The following AGBL4 variants were observed in gnomAD, a reference collection of about 807,000 sequenced individuals.
AGBL4 encodes AGBL carboxypeptidase 4.
AGBL4 carries 58 observed loss-of-function variants against 66.4 expected under a neutral mutation model. The observed-to-expected ratio is 0.87, with a 90% CI of 0.71 to 1.09. AGBL4 has a LOEUF of 1.09. AGBL4 is among the 50% of genes least tolerant of loss of function. The pLI, the probability that AGBL4 is intolerant of heterozygous loss-of-function variation, is 0.00. For synonymous variants in AGBL4, 234 were observed against 222.9 expected, an observed-to-expected ratio of 1.05 and a Z score of -0.44; for missense variants, 579 against 631.0, an observed-to-expected ratio of 0.92 and a Z score of 0.88.
intron 6 of AGBL4, among the ~76,000 whole-genome samples, chr1:48,774,765 C>T (rs971645199): frequency 6.6e-6 from 1 of 152,168 alleles, no homozygotes; most frequent in Non-Finnish European, 1.5e-5. Context: ...CCTAAGTGGC[C>T]TCTCTGCAGT....
chr1:48,834,377 T>C (rs1266384784), intron 6 of AGBL4, among the ~76,000 whole-genome samples: 4 of 152,086 alleles, frequency 2.6e-5, no homozygotes, highest in Admixed American at 2.0e-4. Flanking sequence ...GATGTGAATA[T>C]TGGGGGGCCA....
chr1:48,563,117 A>C (rs114827352), intron 11 of AGBL4, among the ~76,000 whole-genome samples: 10,013 of 152,296 alleles, frequency 0.066, 476 homozygotes, highest in Non-Finnish European at 0.1. Flanking sequence ...GGCTGTGCCC[A>C]CTGTGGAAAG....
At chr1:49,875,101 T>C (rs2148122080) in intron 1 of AGBL4, among the ~76,000 whole-genome samples, 1 of 150,126 alleles carries the variant, frequency 6.7e-6, no homozygotes, top group Middle Eastern at 3.5e-3. Context: ...CTTGTGATAG[T>C]TTACTAAGAA....
At chr1:49,586,609 T>C (rs1427594361) in intron 3 of AGBL4, among the ~76,000 whole-genome samples, 3 of 152,188 alleles carry the variant, frequency 2.0e-5, no homozygotes, top group South Asian at 2.1e-4. Flanking sequence ...AGCATGAACA[T>C]AGTATCTAGC....
intron 1 of AGBL4, among the ~76,000 whole-genome samples, chr1:49,889,879 T>C (rs185395380): frequency 1.3e-5 from 2 of 152,322 alleles, no homozygotes; most frequent in Admixed American, 6.5e-5. Flanking sequence ...AGATAAGTTA[T>C]AAAACCTTGA....
chr1:49,741,112 G>C (rs141831433), intron 2 of AGBL4, among the ~76,000 whole-genome samples: 232 of 152,302 alleles, frequency 1.5e-3, no homozygotes, highest in African/African-American at 5.0e-3. Flanking sequence ...GAACCCAGGA[G>C]ATGGTTTTTC....
chr1:49,785,824 T>C (rs1358000125), intron 2 of AGBL4, among the ~76,000 whole-genome samples: 1 of 150,272 alleles, frequency 6.7e-6, no homozygotes. Flanking sequence ...TGTCATTACA[T>C]ACCTCTCAGA....
chr1:48,755,308 T>C lies in AGBL4; in HGVS notation c.635-92067A>G, dbSNP rs533635075. Among the ~76,000 whole-genome samples the C allele has an allele frequency of 7.9e-5, 12 of 152,178 alleles. No individual in the cohort carries two copies. In the South Asian group the frequency reaches 2.5e-3, roughly 32 times the overall value. On this transcript the variant is annotated intron_variant, in intron 6 of 13. Coordinates refer to ENST00000371839, the MANE Select transcript of AGBL4 (RefSeq NM_032785.4). ...CATTCGTAGGACCCCACTACCTCGG[T>C]GAGTAAATAATGATTCTTCCAGACA...
At chr1:49,610,093 T>A (rs774105715) in intron 3 of AGBL4, among the ~76,000 whole-genome samples, 18 of 152,042 alleles carry the variant, frequency 1.2e-4, no homozygotes, top group Admixed American at 3.9e-4. Context: ...AAAAATAAGA[T>A]AAAGTTAGTA....
intron 3 of AGBL4, among the ~76,000 whole-genome samples, chr1:49,566,669 A>G (rs1644212151): frequency 1.3e-5 from 2 of 152,132 alleles, no homozygotes; most frequent in African/African-American, 2.4e-5. Flanking sequence ...GTTTTGTCTC[A>G]GAGGGGTACC....
intron 6 of AGBL4, among the ~76,000 whole-genome samples, chr1:48,798,299 C>A (rs1645736192): frequency 6.6e-6 from 1 of 151,976 alleles, no homozygotes; most frequent in Non-Finnish European, 1.5e-5. Context: ...CTATTCATGT[C>A]CTTAGCCTAC....
chr1:49,245,610 C>T (rs1003590761), intron 4 of AGBL4, among the ~76,000 whole-genome samples, 160 bp downstream of exon 4: 1 of 151,712 alleles, frequency 6.6e-6, no homozygotes, highest in African/African-American at 2.4e-5. Context: ...AAGTCTGATC[C>T]CCAGCTGTAC....
chr1:49,749,663 T>G (rs190073498), intron 2 of AGBL4, among the ~76,000 whole-genome samples: 1 of 152,006 alleles, frequency 6.6e-6, no homozygotes, highest in African/African-American at 2.4e-5. Context: ...CACGGTTATA[T>G]CAAAAAAACA....
At chr1:48,812,747 T>C (rs1236745576) in intron 6 of AGBL4, among the ~76,000 whole-genome samples, 1 of 152,162 alleles carries the variant, frequency 6.6e-6, no homozygotes, top group Non-Finnish European at 1.5e-5. Context: ...TAAGAAAATG[T>C]GGCACATATA....
chr1:49,609,173 G>T (rs772602462), intron 3 of AGBL4, among the ~76,000 whole-genome samples: 22 of 152,248 alleles, frequency 1.4e-4, no homozygotes, highest in Non-Finnish European at 1.2e-4. Flanking sequence ...GCCAAGCACA[G>T]GACTGAAGAA....
intron 6 of AGBL4, among the ~76,000 whole-genome samples, chr1:48,781,643 C>T (rs1015218796): frequency 1.3e-5 from 2 of 152,352 alleles, no homozygotes; most frequent in Non-Finnish European, 2.9e-5. Context: ...ACCTTTTATA[C>T]AGTTCTAATG....
At chr1:49,242,091 T>A (rs976970114) in intron 4 of AGBL4, among the ~76,000 whole-genome samples, 6 of 152,008 alleles carry the variant, frequency 3.9e-5, no homozygotes, top group Non-Finnish European at 7.4e-5. Flanking sequence ...CACTGCATGC[T>A]TTATGTGCTA....
intron 1 of AGBL4, among the ~76,000 whole-genome samples, chr1:49,949,362 T>TAG (rs1655861545): frequency 6.6e-6 from 1 of 151,598 alleles, no homozygotes; most frequent in East Asian, 1.9e-4. Flanking sequence ...CAAAGATAAA[T>TAG]AGCTGGACTT....
At chr1:48,689,190 C>A (rs1438815937) in intron 6 of AGBL4, among the ~76,000 whole-genome samples, 1 of 122,972 alleles carries the variant, frequency 8.1e-6, no homozygotes, top group Admixed American at 9.2e-5. Context: ...GGTGACAGAG[C>A]GAGACCCGGT....
Sources: gnomAD v4.1 joint callset for allele counts (sites outside exome capture counted in the v4.1 genomes callset) on GRCh38, gnomAD v4.1.1 for gene constraint, MANE v1.5 for transcripts, NCBI Gene and HGNC (gene_info 2026-07-23, HGNC 2026-07-21) for gene names.